The following ZBTB20 variants were observed in gnomAD, a reference collection of about 807,000 sequenced individuals.
ZBTB20 encodes zinc finger and BTB domain containing 20, also known as zinc finger and BTB domain-containing protein 20.
In ZBTB20, 9 loss-of-function variants were observed where a neutral mutation model predicts 56.9. That is an observed-to-expected ratio of 0.16 (90% CI 0.10 to 0.28). The LOEUF is 0.28. Among genes scored for constraint, ZBTB20 ranks in the 10% least tolerant of loss-of-function variants. The pLI is 1.00. For missense variants in ZBTB20, 655 were observed against 1,003.0 expected (o/e 0.65, Z 4.69); for synonymous variants, 417 against 420.7 (o/e 0.99, Z 0.11).
chr3:114,989,509 T>C (rs2078705194), intron 2 of ZBTB20, among the ~76,000 whole-genome samples: 1 of 152,186 alleles, frequency 6.6e-6, no homozygotes, highest in Non-Finnish European at 1.5e-5. Flanking sequence ...TGTAGCCTTG[T>C]AGTATAGTTT....
chr3:114,765,478 C>G (rs2068723559), intron 5 of ZBTB20, among the ~76,000 whole-genome samples: 1 of 152,054 alleles, frequency 6.6e-6, no homozygotes, highest in Admixed American at 6.6e-5. Flanking sequence ...GCCATAAACT[C>G]CAGAAACTAA....
At chr3:114,742,126 C>G (rs1211999313) in intron 5 of ZBTB20, among the ~76,000 whole-genome samples, 1 of 151,986 alleles carries the variant, frequency 6.6e-6, no homozygotes, top group African/African-American at 2.4e-5. Flanking sequence ...TTCTTAAACC[C>G]ATAGGTCAAC....
chr3:114,641,227 T>G (rs891163234), intron 6 of ZBTB20, among the ~76,000 whole-genome samples: 2 of 152,000 alleles, frequency 1.3e-5, no homozygotes, highest in African/African-American at 4.8e-5. Context: ...TGGCCAAGCA[T>G]GTTGTAGCAA....
At chr3:114,537,035 C>T (rs1016729327) in intron 6 of ZBTB20, among the ~76,000 whole-genome samples, 3 of 151,928 alleles carry the variant, frequency 2.0e-5, no homozygotes, top group African/African-American at 7.3e-5. Context: ...CCATAAAAAC[C>T]CTAGAAGAAA....
chr3:114,801,288 G>A (rs1342892678), intron 4 of ZBTB20, 114 bp from the exon 5 acceptor site: 2 of 141,678 alleles, frequency 1.4e-5, no homozygotes, highest in African/African-American at 5.2e-5. Context: ...TCAGTCAAGC[G>A]TGGCTTTTCT....
intron 6 of ZBTB20, among the ~76,000 whole-genome samples, chr3:114,671,261 C>T (rs1409779213): frequency 1.3e-5 from 2 of 152,088 alleles, no homozygotes; most frequent in South Asian, 4.1e-4. Flanking sequence ...AGGGGATCTG[C>T]AGAGGCAGAT....
In ZBTB20 at chr3:114,319,280, C is replaced by CA. The variant is rs1279895870; in HGVS notation, c.*19724dup. On this transcript the variant is annotated 3_prime_UTR_variant, in exon 12 of 12. Transcript: ENST00000675478. ...CTTCCTTTCCAAAAAAGATTCTTCA[C>CA]AAAAAAATGTAGAAAAAATTCCAAC... 2 of 151,464 alleles carry CA rather than the reference C, an allele frequency of 1.3e-5. No individual in the cohort carries two copies. Among genetic ancestry groups the CA allele is most frequent in the African/African-American group, 4.9e-5 (2 of 41,186 alleles). 9.4% of individuals were successfully genotyped at this position (151,464 alleles called of 1,614,324 possible). A position where few individuals can be genotyped will look rare whatever the true frequency, so the allele number is the denominator to read the frequency against.
chr3:114,413,969 C>T (rs4510355), intron 7 of ZBTB20, among the ~76,000 whole-genome samples: 57,520 of 151,902 alleles, frequency 0.38, 12,276 homozygotes, highest in African/African-American at 0.58. Context: ...CCTGTTAAAG[C>T]GATATGAAGT....
chr3:114,601,487 T>A (rs2056757118), intron 6 of ZBTB20, among the ~76,000 whole-genome samples: 1 of 152,062 alleles, frequency 6.6e-6, no homozygotes. Flanking sequence ...TATATCTTTC[T>A]TGAATTTCTA....
intron 4 of ZBTB20, among the ~76,000 whole-genome samples, chr3:114,899,557 G>C (rs1272377529): frequency 6.6e-6 from 1 of 151,952 alleles, no homozygotes; most frequent in East Asian, 1.9e-4. Flanking sequence ...ATAAAACAGA[G>C]GATTTAAAGA....
chr3:114,574,192 G>A (rs931994141), intron 6 of ZBTB20, among the ~76,000 whole-genome samples: 2 of 152,076 alleles, frequency 1.3e-5, no homozygotes, highest in Admixed American at 1.3e-4. Flanking sequence ...CTCGAATTTT[G>A]TAATTTAAGA....
intron 6 of ZBTB20, among the ~76,000 whole-genome samples, chr3:114,513,414 A>T (rs1465868262): frequency 1.3e-5 from 2 of 152,224 alleles, no homozygotes; most frequent in Non-Finnish European, 2.9e-5. Flanking sequence ...GAATTTTAAT[A>T]AAGTAAAACC....
chr3:114,527,446 C>T (rs1475570233), intron 6 of ZBTB20: 2 of 152,186 alleles, frequency 1.3e-5, no homozygotes, highest in East Asian at 1.9e-4. Flanking sequence ...TCATCACATA[C>T]TCACACATCC....
intron 1 of ZBTB20, among the ~76,000 whole-genome samples, chr3:115,076,493 C>G (rs777653114): frequency 9.2e-5 from 14 of 152,046 alleles, no homozygotes; most frequent in African/African-American, 1.4e-4. Flanking sequence ...CTGGGAAAAA[C>G]AGCAAAATAA....
chr3:115,008,390 T>A (rs1358495240), intron 2 of ZBTB20, among the ~76,000 whole-genome samples: 1 of 151,880 alleles, frequency 6.6e-6, no homozygotes, highest in Non-Finnish European at 1.5e-5. Flanking sequence ...AAGGCAGGGC[T>A]AGGAGAAAAT....
At chr3:114,764,068 G>C (rs2068617947) in intron 5 of ZBTB20, among the ~76,000 whole-genome samples, 1 of 151,970 alleles carries the variant, frequency 6.6e-6, no homozygotes, top group Non-Finnish European at 1.5e-5. Flanking sequence ...AATATAATCA[G>C]AAAAAGTGAT....
intron 5 of ZBTB20, among the ~76,000 whole-genome samples, chr3:114,751,144 AT>A (rs1368866452): frequency 3.9e-5 from 6 of 152,138 alleles, no homozygotes; most frequent in African/African-American, 1.4e-4. Flanking sequence ...ATACATACAA[AT>A]CATATGTGTT....
chr3:114,399,235 CAGA>C (rs1281922142), intron 7 of ZBTB20, among the ~76,000 whole-genome samples: 1 of 152,150 alleles, frequency 6.6e-6, no homozygotes, highest in East Asian at 1.9e-4. Context: ...CATATTTTAG[CAGA>C]AGAGAAAGTG....
chr3:114,571,127 A>C (rs561483590), intron 6 of ZBTB20, among the ~76,000 whole-genome samples: 1 of 152,140 alleles, frequency 6.6e-6, no homozygotes, highest in African/African-American at 2.4e-5. Flanking sequence ...AATCAAATCT[A>C]CCCCTCACTA....
Sources: allele counts gnomAD v4.1 joint callset (sites outside exome capture counted in the v4.1 genomes callset), GRCh38; gene constraint gnomAD v4.1.1; transcripts MANE v1.5; gene names NCBI Gene and HGNC (gene_info 2026-07-23, HGNC 2026-07-21).